The following TFB1M variants were observed in gnomAD, a reference collection of about 807,000 sequenced individuals.
The protein encoded by TFB1M is transcription factor B1, mitochondrial.
A neutral mutation model predicts 31.1 loss-of-function variants in TFB1M; 27 were observed. The observed-to-expected ratio is 0.87, with a 90% CI of 0.64 to 1.20. The LOEUF is 1.20. Among genes scored for constraint, TFB1M ranks in the 50% most tolerant of loss-of-function variants. The pLI is 0.00. For missense variants in TFB1M, 394 were observed against 418.7 expected (o/e 0.94, Z 0.51); for synonymous variants, 166 against 151.8 (o/e 1.09, Z -0.69).
chr6:155,307,126 C>A (rs1372292219), intron 2 of TFB1M, among the ~76,000 whole-genome samples: 1 of 126,006 alleles, frequency 7.9e-6, no homozygotes, highest in Non-Finnish European at 1.7e-5. Context: ...GAGACCATGT[C>A]TCAAACACAT....
intron 2 of TFB1M, among the ~76,000 whole-genome samples, chr6:155,303,780 C>T (rs538293187): frequency 6.6e-6 from 1 of 152,200 alleles, no homozygotes; most frequent in Non-Finnish European, 1.5e-5. Flanking sequence ...TTACTGGCTA[C>T]TGGGATTATG....
chr6:155,306,102 C>A (rs188085245), intron 2 of TFB1M, among the ~76,000 whole-genome samples: 11 of 152,042 alleles, frequency 7.2e-5, no homozygotes, highest in Non-Finnish European at 1.3e-4. Flanking sequence ...CATCGTATGT[C>A]CAGTATTATT....
At chr6:155,307,797 TA>T (rs1391403281) in intron 2 of TFB1M, among the ~76,000 whole-genome samples, 2 of 151,362 alleles carry the variant, frequency 1.3e-5, no homozygotes, top group African/African-American at 2.4e-5. Flanking sequence ...CAGATGAGCT[TA>T]AAAAAAATGC....
chr6:155,248,039 G>A, the TFB1M span: 25 of 1,614,054 alleles, frequency 1.5e-5, no homozygotes, highest in Middle Eastern at 1.6e-4. Flanking sequence ...CTGGACGCCC[G>A]GAACCCCACC....
intron 3 of TFB1M, among the ~76,000 whole-genome samples, chr6:155,297,754 A>G: frequency 6.6e-6 from 1 of 152,266 alleles, no homozygotes; most frequent in East Asian, 1.9e-4. Context: ...GGGAGAACTC[A>G]GTCAGATAAG....
downstream of TFB1M, chr6:155,253,089 A>C (rs751966444): frequency 2.6e-6 from 4 of 1,536,670 alleles, no homozygotes; most frequent in African/African-American, 5.5e-5. Context: ...CAGAAAAAGC[A>C]TTTTAGTAGA....
chr6:155,243,457 A>G, the TFB1M span, among the ~76,000 whole-genome samples: 1 of 152,196 alleles, frequency 6.6e-6, no homozygotes, highest in Non-Finnish European at 1.5e-5. Context: ...AGAGGGAATG[A>G]TCGAGCTGTA....
intron 2 of TFB1M, among the ~76,000 whole-genome samples, chr6:155,300,078 GT>G (rs1777358413): frequency 6.6e-6 from 1 of 152,210 alleles, no homozygotes; most frequent in African/African-American, 2.4e-5. Context: ...TCAGGTCTCT[GT>G]AAAGCTGGAA....
chr6:155,259,186 C>T (rs1443112314), intron 6 of TFB1M, among the ~76,000 whole-genome samples: 2 of 152,186 alleles, frequency 1.3e-5, no homozygotes, highest in African/African-American at 2.4e-5. Flanking sequence ...TCCTGCTCTG[C>T]GTGAGGGGTA....
the TFB1M span, among the ~76,000 whole-genome samples, chr6:155,234,005 G>C: frequency 2.0e-5 from 1 of 50,808 alleles, no homozygotes; most frequent in Non-Finnish European, 5.9e-5. Flanking sequence ...ATTTTTTTTG[G>C]GGGGGGGTTG....
chr6:155,289,025 T>C lies in TFB1M; in HGVS notation c.547-3748A>G, dbSNP rs561370414. ...TTTTAAAAAGCATTTTGATGGAGTA[T>C]GAGAAAAACAAGGGGTCAAAGAATT... is the stretch of plus-strand genomic sequence containing the variant. On this transcript the variant is annotated intron_variant, in intron 4 of 6. Transcript: ENST00000367166. Among the ~76,000 whole-genome samples the C allele has an allele frequency of 1.4e-3, 217 of 151,912 alleles. 1 individual carries two copies. Among genetic ancestry groups the C allele is most frequent in the African/African-American group, 5.0e-3 (207 of 41,474 alleles).
intron 5 of TFB1M, among the ~76,000 whole-genome samples, chr6:155,282,525 C>T (rs990900676): frequency 6.6e-6 from 1 of 152,156 alleles, no homozygotes; most frequent in African/African-American, 2.4e-5. Context: ...TAGTAAATTT[C>T]TTCTGAGCAT....
chr6:155,291,069 G>T (rs542860647), intron 4 of TFB1M, among the ~76,000 whole-genome samples: 4 of 152,186 alleles, frequency 2.6e-5, no homozygotes, highest in Non-Finnish European at 4.4e-5. Context: ...TTCAATCTGA[G>T]GAGGGGGACA....
chr6:155,312,755 G>A (rs533798851), intron 1 of TFB1M, among the ~76,000 whole-genome samples: 1 of 152,110 alleles, frequency 6.6e-6, no homozygotes, highest in South Asian at 2.1e-4. Flanking sequence ...ACTTACTCCT[G>A]AAGATAAAGG....
At chr6:155,266,833 C>G (rs1176634342) in intron 5 of TFB1M, among the ~76,000 whole-genome samples, 2 of 101,830 alleles carry the variant, frequency 2.0e-5, no homozygotes, top group African/African-American at 4.1e-5. Flanking sequence ...GGCGACAGAG[C>G]GAGACTCCGT....
At chr6:155,252,197 A>G (rs3011898), downstream of TFB1M, among the ~76,000 whole-genome samples, 55,084 of 152,048 alleles carry the variant, frequency 0.36, 10,729 homozygotes, top group Middle Eastern at 0.51. Context: ...AAAAGAAGAT[A>G]TACAGCTGGG....
downstream of TFB1M, chr6:155,253,735 A>G: frequency 2.4e-6 from 1 of 420,618 alleles, no homozygotes; most frequent in Non-Finnish European, 4.2e-6. Context: ...CTCCAGAGAG[A>G]GGGTGAAGGC....
intron 5 of TFB1M, among the ~76,000 whole-genome samples, chr6:155,283,652 G>A (rs1177434612): frequency 6.6e-6 from 1 of 152,068 alleles, no homozygotes; most frequent in East Asian, 1.9e-4. Context: ...AAAAATATTC[G>A]AATATCTATC....
intron 4 of TFB1M, among the ~76,000 whole-genome samples, chr6:155,290,086 T>C (rs764683946): frequency 1.2e-4 from 19 of 152,284 alleles, no homozygotes; most frequent in African/African-American, 4.1e-4. Flanking sequence ...TAGCAGTGCA[T>C]AGAATGGACT....
Sources: gnomAD v4.1 joint callset for allele counts (sites outside exome capture counted in the v4.1 genomes callset) on GRCh38, gnomAD v4.1.1 for gene constraint, MANE v1.5 for transcripts, NCBI Gene and HGNC (gene_info 2026-07-23, HGNC 2026-07-21) for gene names.